Variants in RMDN2 observed in about 807,000 individuals in gnomAD.
RMDN2 encodes the protein regulator of microtubule dynamics 2.
Under a neutral mutation model 52.8 loss-of-function variants are expected in RMDN2, and 61 were observed. That is an observed-to-expected ratio of 1.16 (90% CI 0.94 to 1.43). RMDN2 has a LOEUF of 1.43. RMDN2 is among the 40% of genes most tolerant of loss of function. RMDN2 has a pLI of 0.00. For missense variants in RMDN2, 592 were observed against 475.3 expected (o/e 1.25, Z -2.28); for synonymous variants, 180 against 153.1 (o/e 1.18, Z -1.30).
rs574551705 is a variant in RMDN2 at position 37,966,489 on chromosome 2, C to T, written c.453-7551C>T. On this transcript the variant is annotated intron_variant, in intron 2 of 10. Coordinates refer to ENST00000354545, the MANE Select transcript of RMDN2 (RefSeq NM_001170791.3). ...GATTTGGCTTTGGCCGTTGTTTCTT[C>T]AAATTAGCTTACTGCCACTTTCTCT... 4.0e-5 allele frequency among the ~76,000 whole-genome samples: 6 copies of T among 151,086 alleles called. No homozygotes were observed. In the East Asian group the frequency reaches 1.2e-3, roughly 29 times the overall value.
chr2:38,003,954 T>C (rs1159812936), intron 8 of RMDN2, 37 bp from the exon 9 acceptor site: 2 of 1,460,736 alleles, frequency 1.4e-6, no homozygotes, highest in Admixed American at 1.7e-5. Flanking sequence ...ATTTTAATAT[T>C]GCCCTGTTAT....
At chr2:37,987,457 T>C (rs545649973) in intron 5 of RMDN2, among the ~76,000 whole-genome samples, 4 of 152,266 alleles carry the variant, frequency 2.6e-5, no homozygotes, top group African/African-American at 9.6e-5. Context: ...ATATACTATA[T>C]GGTTCCAACT....
At chr2:38,026,186 G>C (rs143298993) in intron 10 of RMDN2, among the ~76,000 whole-genome samples, 110 of 152,138 alleles carry the variant, frequency 7.2e-4, no homozygotes, top group African/African-American at 2.4e-3. Context: ...TTGGTAGTTT[G>C]TATCTTTCAA....
chr2:37,932,234 G>A (rs1020923907), intron 2 of RMDN2, among the ~76,000 whole-genome samples: 30 of 149,072 alleles, frequency 2.0e-4, no homozygotes, highest in African/African-American at 6.9e-4. Context: ...TGTGTCCCTG[G>A]GTACTTGAGA....
At chr2:38,057,759 A>T (rs562203674) in intron 10 of RMDN2, among the ~76,000 whole-genome samples, 1 of 152,152 alleles carries the variant, frequency 6.6e-6, no homozygotes, top group African/African-American at 2.4e-5. Flanking sequence ...TTCTCATGAG[A>T]TCTGGTTGTT....
intron 2 of RMDN2, chr2:37,952,302 C>A: frequency 9.2e-7 from 1 of 1,092,040 alleles, no homozygotes; most frequent in Non-Finnish European, 1.3e-6. Context: ...ACTCCCCTTT[C>A]CTCACAAAGC....
At chr2:37,956,329 G>A (rs1016062765) in intron 2 of RMDN2, among the ~76,000 whole-genome samples, 1 of 151,844 alleles carries the variant, frequency 6.6e-6, no homozygotes, top group Non-Finnish European at 1.5e-5. Context: ...TAATCAATTC[G>A]CTGGCATACA....
intron 10 of RMDN2, among the ~76,000 whole-genome samples, chr2:38,034,043 G>A (rs1034964124): frequency 1.9e-4 from 29 of 152,222 alleles, no homozygotes; most frequent in African/African-American, 7.0e-4. Context: ...TAACTACAAA[G>A]AATATTAGTG....
intron 10 of RMDN2, among the ~76,000 whole-genome samples, chr2:38,010,639 C>A (rs1295196492): frequency 1.3e-5 from 2 of 152,200 alleles, no homozygotes; most frequent in African/African-American, 4.8e-5. Flanking sequence ...AAAGGGAATT[C>A]CCTTACCCTT....
At chr2:38,020,722 C>A (rs1210221857), downstream of RMDN2, among the ~76,000 whole-genome samples, 3 of 152,210 alleles carry the variant, frequency 2.0e-5, no homozygotes, top group African/African-American at 7.2e-5. Context: ...TGCTGGATTT[C>A]TCACCAGGCC....
intron 10 of RMDN2, among the ~76,000 whole-genome samples, chr2:38,015,563 CAAA>C (rs397984334): frequency 7.1e-5 from 7 of 98,584 alleles, no homozygotes; most frequent in African/African-American, 1.1e-4. Context: ...GACTCCGTCT[CAAA>C]AAAAAAAAAA....
At chr2:38,028,258 G>C (rs1679927286) in intron 10 of RMDN2, 1 of 152,120 alleles carries the variant, frequency 6.6e-6, no homozygotes, top group Non-Finnish European at 1.5e-5. Flanking sequence ...GAATGCAAAA[G>C]ACAGCATGAC....
chr2:37,980,150 C>G (rs908973477), intron 4 of RMDN2, among the ~76,000 whole-genome samples: 10 of 152,006 alleles, frequency 6.6e-5, no homozygotes, highest in Admixed American at 2.0e-4. Context: ...CTTGGATAGT[C>G]TCTTCAAGAT....
chr2:37,942,223 A>C (rs1323112439), intron 2 of RMDN2, among the ~76,000 whole-genome samples: 1 of 152,070 alleles, frequency 6.6e-6, no homozygotes, highest in Admixed American at 6.5e-5. Flanking sequence ...CACCCTCCAT[A>C]GGCTGCACCC....
chr2:37,995,358 TACTACTAC>T (rs1484398524), intron 7 of RMDN2, among the ~76,000 whole-genome samples: 171 of 151,224 alleles, frequency 1.1e-3, no homozygotes, highest in African/African-American at 4.0e-3. Context: ...CTACTACTAC[TACTACTAC>T]ACACACACAC....
chr2:38,018,501 G>A (rs1226927856), downstream of RMDN2, among the ~76,000 whole-genome samples: 4 of 152,122 alleles, frequency 2.6e-5, no homozygotes, highest in Non-Finnish European at 5.9e-5. Context: ...AAAGCAGCTA[G>A]CCACACTGAA....
chr2:37,965,266 G>T (rs1442838634), intron 2 of RMDN2, among the ~76,000 whole-genome samples: 2 of 146,198 alleles, frequency 1.4e-5, no homozygotes, highest in Non-Finnish European at 3.0e-5. Flanking sequence ...ATTTCATTTT[G>T]TTATTGATTT....
At chr2:37,921,933 C>G (rs17021748), upstream of RMDN2, among the ~76,000 whole-genome samples, 42,243 of 151,982 alleles carry the variant, frequency 0.28, 6,741 homozygotes, top group African/African-American at 0.45. Flanking sequence ...TCCTGCTGTA[C>G]CTGTTGCTGC....
At chr2:37,935,553 C>T (rs1040886864) in intron 2 of RMDN2, among the ~76,000 whole-genome samples, 12 of 152,290 alleles carry the variant, frequency 7.9e-5, no homozygotes, top group East Asian at 3.9e-4. Flanking sequence ...TGAAACATCA[C>T]GTATATAATT....
Sources: allele counts gnomAD v4.1 joint callset (sites outside exome capture counted in the v4.1 genomes callset), GRCh38; gene constraint gnomAD v4.1.1; transcripts MANE v1.5; gene names NCBI Gene and HGNC (gene_info 2026-07-23, HGNC 2026-07-21).